PTF1A: variants seen among roughly 807,000 people sequenced by gnomAD.
PTF1A encodes the protein pancreas transcription factor 1 subunit alpha.
PTF1A carries 18 observed loss-of-function variants against 22.6 expected under a neutral mutation model. The ratio of observed to expected loss-of-function variants is 0.80; its 90% CI spans 0.55 to 1.18. The LOEUF is 1.18. Among genes scored for constraint, PTF1A ranks in the 50% most tolerant of loss-of-function variants. PTF1A has a pLI of 0.00. For missense variants in PTF1A, 477 were observed against 473.0 expected (o/e 1.01, Z -0.08); for synonymous variants, 259 against 227.9 (o/e 1.14, Z -1.23).
Position 23,193,708 on chromosome 10 carries a change from C to T in PTF1A, c.789C>T (p.Ser263=), listed in dbSNP as rs1840928106. The T allele has an allele frequency of 1.3e-6, 2 of 1,599,966 alleles. No individual in the cohort carries two copies. Among genetic ancestry groups the T allele is most frequent in the East Asian group, 4.5e-5 (2 of 44,754 alleles). ...TTTCTCTTCTCACCTGTCCAGGGTC[C>T]CCCTCCCCCAGCGACCCTGATTATG... is the stretch of plus-strand genomic sequence containing the variant. ...KVIICHRGTR[S]PSPSDPDYGL... The change falls in exon 2 of 2, where the codon TCC becomes TCT. Residue 263 remains serine (S), a synonymous_variant. Transcript: ENST00000376504.
intron 1 of PTF1A, 40 bp downstream of exon 1, chr10:23,193,354 G>A (rs1840919796): frequency 7.1e-7 from 1 of 1,410,818 alleles, no homozygotes; most frequent in Non-Finnish European, 9.1e-7. Flanking sequence ...GAAGGGGTCG[G>A]GCACTCGAAG....
Position 23,192,483 on chromosome 10 carries a change from A to G in PTF1A, c.-48A>G, listed in dbSNP as rs1365774748. 1.9e-6 allele frequency: 3 copies of G among 1,590,676 alleles called. No individual in the cohort carries two copies. The highest frequency in any genetic ancestry group is 2.3e-5 in the East Asian group (1 of 42,988). On this transcript the variant is annotated 5_prime_UTR_variant, in exon 1 of 2. Coordinates refer to ENST00000376504, the MANE Select transcript of PTF1A (RefSeq NM_178161.3). Reference sequence around the variant, plus strand: ...GACGGGCCTTAGAAACTCACCAAGAACTAACACGCGCAGCCCGGCAGTCCC... The same window carrying G: ...GACGGGCCTTAGAAACTCACCAAGAGCTAACACGCGCAGCCCGGCAGTCCC...
chr10:23,192,954 A>G lies in PTF1A; in HGVS notation c.424A>G (p.Ser142Gly), dbSNP rs1038972845. The change falls in exon 1 of 2, where the codon AGC (serine) becomes GGC (glycine). Residue 142 changes from serine to glycine, a missense_variant. Physicochemically the swap from Ser to Gly is moderately conservative, Grantham distance 56 (BLOSUM62 0). Transcript: ENST00000376504. ...LSPGARLRGL[S>G]GAAAAAARRR... ...TCCCGGGGCGCGGCTGCGCGGCCTG[A>G]GCGGAGCGGCGGCTGCGGCGGCGCG... The G allele has an allele frequency of 1.9e-5, 22 of 1,161,436 alleles. No individual in the cohort carries two copies. In the East Asian group the frequency reaches 3.7e-4, roughly 20 times the overall value. 71.9% of individuals were successfully genotyped at this position (1,161,436 alleles called of 1,614,324 possible).
chr10:23,192,393 C>G lies in PTF1A; in HGVS notation c.-138C>G, dbSNP rs1044164362. 4.9e-6 allele frequency: 6 copies of G among 1,234,692 alleles called. No homozygotes were observed. The highest frequency in any genetic ancestry group is 3.2e-5 in the African/African-American group (2 of 62,828). 76.5% of individuals were successfully genotyped at this position (1,234,692 alleles called of 1,614,324 possible). ...CGGCCGCGGGCACTCCAGGGAGGCC[C>G]GGGGGCGGGCAGCCCGGCGGCCGCC... is the stretch of plus-strand genomic sequence containing the variant. On this transcript the variant is annotated 5_prime_UTR_variant, in exon 1 of 2. Transcript: ENST00000376504.
chr10:23,193,116 G>T lies in PTF1A; in HGVS notation c.586G>T (p.Glu196Ter). The stretch of plus-strand genomic sequence containing the variant: ...CTCGCACATCCCCACGCTGCCCTAC[G>T]AGAAGCGCCTCTCCAAGGTGGACAC... ...LRSHIPTLPY[E>*]KRLSKVDTLR... The change falls in exon 1 of 2, where the codon GAG (glutamate) becomes TAG (stop). Residue 196 changes from glutamate to a stop codon, truncating the protein, a stop_gained. Transcript: ENST00000376504. LOFTEE classifies it high-confidence loss of function. 6.9e-7 allele frequency: 1 copy of T among 1,446,346 alleles called. No homozygotes were observed. Among genetic ancestry groups the T allele is most frequent in the African/African-American group, 1.5e-5 (1 of 68,092 alleles). 89.6% of individuals were successfully genotyped at this position (1,446,346 alleles called of 1,614,324 possible).
In PTF1A at chr10:23,193,705, G is replaced by C; in HGVS notation, c.786G>C (p.Arg262=). The part of the protein sequence containing the change: ...QKVIICHRGT[R]SPSPSDPDYG... ...TGTTTTCTCTTCTCACCTGTCCAGG[G>C]TCCCCCTCCCCCAGCGACCCTGATT... The change falls in exon 2 of 2, where the codon CGG becomes CGC. Residue 262 remains arginine (R), a splice_region_variant and synonymous_variant. Transcript: ENST00000376504. The C allele has an allele frequency of 6.3e-7, 1 of 1,595,388 alleles. No individual in the cohort carries two copies. The highest frequency in any genetic ancestry group is 8.6e-7 in the Non-Finnish European group (1 of 1,163,482).
In PTF1A at chr10:23,193,310, C is replaced by T. The variant is rs768953977; in HGVS notation, c.780C>T (p.Gly260=). 68 of 1,312,478 alleles carry T rather than the reference C, an allele frequency of 5.2e-5. No individual in the cohort carries two copies. The African/African-American group carries it at 9.8e-4, about 19-fold the overall frequency. The allele number at this position is 1,312,478 out of a possible 1,614,324, so 81.3% of individuals were successfully genotyped here. ...AGAAGGTCATCATCTGCCATCGGGGCACCCGTAAGTGCTTCCGCTTCCCAG... is the reference window on the plus strand; with the variant it reads ...AGAAGGTCATCATCTGCCATCGGGGTACCCGTAAGTGCTTCCGCTTCCCAG... ...QAQKVIICHR[G]TRSPSPSDPD... The change falls in exon 1 of 2, where the codon GGC becomes GGT. Residue 260 remains glycine (G), a synonymous_variant. Coordinates refer to ENST00000376504, the MANE Select transcript of PTF1A (RefSeq NM_178161.3).
At position 23,193,193 on chromosome 10, in the gene PTF1A, C is replaced by G. The variant is rs1368595918; in HGVS notation, c.663C>G (p.Ala221=). 35 of 1,356,090 alleles carry G rather than the reference C, an allele frequency of 2.6e-5. No individual in the cohort carries two copies. Among genetic ancestry groups the G allele is most frequent in the African/African-American group, 6.0e-5 (4 of 66,124 alleles). 84.0% of individuals were successfully genotyped at this position (1,356,090 alleles called of 1,614,324 possible). The part of the protein sequence containing the change: ...YINFLSELVQ[A]DLPLRGGGAG... Reference sequence around the variant, plus strand: ...ACTTCCTCAGCGAGCTCGTGCAGGCCGACCTGCCCTTGCGCGGCGGTGGCG... The same window carrying G: ...ACTTCCTCAGCGAGCTCGTGCAGGCGGACCTGCCCTTGCGCGGCGGTGGCG... The change falls in exon 1 of 2, where the codon GCC becomes GCG. Residue 221 remains alanine (A), a synonymous_variant. Coordinates refer to ENST00000376504, the MANE Select transcript of PTF1A (RefSeq NM_178161.3).
rs570624412 is a variant in PTF1A at position 23,192,366 on chromosome 10, A to G, written c.-165A>G. On this transcript the variant is annotated 5_prime_UTR_variant, in exon 1 of 2. Transcript: ENST00000376504. ...GCAGCGCGAGCGCGGGCCAGAGCGC[A>G]GCGGCCGCGGGCACTCCAGGGAGGC... 818 of 798,038 alleles carry G rather than the reference A, an allele frequency of 1.0e-3. 10 individuals are homozygous for G. The African/African-American group carries it at 0.014, about 14-fold the overall frequency. 49.4% of individuals were successfully genotyped at this position (798,038 alleles called of 1,614,324 possible).
In PTF1A at chr10:23,192,764, G is replaced by C; in HGVS notation, c.234G>C (p.Pro78=). 2.1e-6 allele frequency: 3 copies of C among 1,397,238 alleles called. No individual in the cohort carries two copies. The highest frequency in any genetic ancestry group is 2.8e-6 in the Non-Finnish European group (3 of 1,075,392). 86.6% of individuals were successfully genotyped at this position (1,397,238 alleles called of 1,614,324 possible). Residue 78 remains proline, a synonymous_variant, in exon 1 of 2, where the codon CCG becomes CCC. Transcript: ENST00000376504. ...LLLQPAPPAA[P]LALAPPSSGG... ...TGCAGCCCGCGCCCCCGGCCGCCCC[G>C]CTAGCGCTCGCCCCGCCGTCCTCGG...
rs2131679246 is a variant in PTF1A at position 23,192,428 on chromosome 10, C to A, written c.-103C>A. 1 of 1,511,064 alleles carries A rather than the reference C, an allele frequency of 6.6e-7. No homozygotes were observed. Among genetic ancestry groups the A allele is most frequent in the African/African-American group, 1.4e-5 (1 of 70,104 alleles). The allele number at this position is 1,511,064 out of a possible 1,614,324, so 93.6% of individuals were successfully genotyped here. On this transcript the variant is annotated 5_prime_UTR_variant, in exon 1 of 2. Coordinates refer to ENST00000376504, the MANE Select transcript of PTF1A (RefSeq NM_178161.3). ...CAGCCCGGCGGCCGCCTAGCTGCCC[C>A]CAGCCAGGGCCCCGGGAGGGAGGGG...
In PTF1A at chr10:23,193,247, C is replaced by T. The variant is rs1368012884; in HGVS notation, c.717C>T (p.Gly239=). ...GCGGCTGCGGGGGGCCGGGCGGCGG[C>T]GGGCGCCTGGGCGGGGACAGCCCGG... is the stretch of plus-strand genomic sequence containing the variant. The part of the protein sequence containing the change: ...GAGGCGGPGG[G]GRLGGDSPGS... The change falls in exon 1 of 2, where the codon GGC becomes GGT. Residue 239 remains glycine (G), a synonymous_variant. Transcript: ENST00000376504. 5.6e-6 allele frequency: 7 copies of T among 1,245,850 alleles called. No homozygotes were observed. The highest frequency in any genetic ancestry group is 4.3e-5 in the Admixed American group (1 of 23,244). The allele number at this position is 1,245,850 out of a possible 1,614,324, so 77.2% of individuals were successfully genotyped here. A position where few individuals can be genotyped will look rare whatever the true frequency, so the allele number is the denominator to read the frequency against.
At position 23,192,625 on chromosome 10, in the gene PTF1A, C is replaced by T. The variant is rs1840902845; in HGVS notation, c.95C>T (p.Ser32Leu). The change falls in exon 1 of 2, where the codon TCA (serine) becomes TTA (leucine). Residue 32 changes from serine (S) to leucine (L), a missense_variant. Coordinates refer to ENST00000376504, the MANE Select transcript of PTF1A (RefSeq NM_178161.3). ...DEDDFFTDQS[S>L]RDPLEDGDEL... Reference sequence around the variant, plus strand: ...GACGACTTCTTCACCGACCAGTCTTCACGGGACCCCCTGGAGGACGGCGAT... The same window carrying T: ...GACGACTTCTTCACCGACCAGTCTTTACGGGACCCCCTGGAGGACGGCGAT... 1 of 1,602,776 alleles carries T rather than the reference C, an allele frequency of 6.2e-7. No homozygotes were observed.
In PTF1A at chr10:23,193,720, C is replaced by A. The variant is rs747239057; in HGVS notation, c.801C>A (p.Ser267Arg). ...CHRGTRSPSP[S>R]DPDYGLPPLA... Reference sequence around the variant, plus strand: ...CCTGTCCAGGGTCCCCCTCCCCCAGCGACCCTGATTATGGCCTCCCTCCCC... The same window carrying A: ...CCTGTCCAGGGTCCCCCTCCCCCAGAGACCCTGATTATGGCCTCCCTCCCC... The change falls in exon 2 of 2, where the codon AGC becomes AGA. Residue 267 changes from serine to arginine, a missense_variant. Ser to Arg is a moderately radical substitution (Grantham distance 110, BLOSUM62 -1). Transcript: ENST00000376504. 9 of 1,610,144 alleles carry A rather than the reference C, an allele frequency of 5.6e-6. No homozygotes were observed. The highest frequency in any genetic ancestry group is 1.7e-4 in the Middle Eastern group (1 of 6,044).
chr10:23,193,635 A>G, intron 1 of PTF1A, 69 bp from the exon 2 acceptor site: 1 of 1,155,728 alleles, frequency 8.7e-7, no homozygotes. Flanking sequence ...AGGGTCCTAA[A>G]GGACCTGATG....
In PTF1A at chr10:23,194,036, T is replaced by C; in HGVS notation, c.*130T>C. 1 of 725,220 alleles carries C rather than the reference T, an allele frequency of 1.4e-6. No individual in the cohort carries two copies. The highest frequency in any genetic ancestry group is 2.5e-6 in the Non-Finnish European group (1 of 405,472). 44.9% of individuals were successfully genotyped at this position (725,220 alleles called of 1,614,324 possible). A position where few individuals can be genotyped will look rare whatever the true frequency, so the allele number is the denominator to read the frequency against. On this transcript the variant is annotated 3_prime_UTR_variant, in exon 2 of 2. Transcript: ENST00000376504. ...AATCAACTGTTTATTATTTATCTAT[T>C]TATTATCCTGTTGAGTTGATGAAAT... is the stretch of plus-strand genomic sequence containing the variant.
intron 1 of PTF1A, 149 bp downstream of exon 1, chr10:23,193,463 G>GT (rs10592134): frequency 0.24 from 139,835 of 593,168 alleles, 4,902 homozygotes; most frequent in African/African-American, 0.29. Flanking sequence ...CGCGTTTCTC[G>GT]TTTTTTTTTT....
Position 23,193,209 on chromosome 10 carries a change from G to A in PTF1A, c.679G>A (p.Gly227Ser). The A allele has an allele frequency of 1.5e-6, 2 of 1,321,144 alleles. No homozygotes were observed. The highest frequency in any genetic ancestry group is 1.9e-6 in the Non-Finnish European group (2 of 1,027,946). 81.8% of individuals were successfully genotyped at this position (1,321,144 alleles called of 1,614,324 possible). The change falls in exon 1 of 2, where the codon GGC (glycine) becomes AGC (serine). Residue 227 changes from glycine (G) to serine (S), a missense_variant. Transcript: ENST00000376504. ...ELVQADLPLR[G>S]GGAGGCGGPG... ...CGTGCAGGCCGACCTGCCCTTGCGC[G>A]GCGGTGGCGCGGGCGGCTGCGGGGG...
chr10:23,193,406 C>A, intron 1 of PTF1A, 92 bp downstream of exon 1: 1 of 1,233,244 alleles, frequency 8.1e-7, no homozygotes, highest in Non-Finnish European at 1.1e-6. Context: ...AGCAGACAGT[C>A]GGACCGACGG....
Sources: gnomAD v4.1 joint callset for allele counts on GRCh38, gnomAD v4.1.1 for gene constraint, MANE v1.5 for transcripts, NCBI Gene and HGNC (gene_info 2026-07-23, HGNC 2026-07-21) for gene names.